The following COBLL1 variants were observed in gnomAD, a reference collection of about 807,000 sequenced individuals.
COBLL1 encodes cordon-bleu WH2 repeat protein like 1, also known as cordon-bleu protein-like 1.
Under a neutral mutation model 94.8 loss-of-function variants are expected in COBLL1, and 50 were observed. The ratio of observed to expected loss-of-function variants is 0.53; its 90% CI spans 0.42 to 0.67. The LOEUF (loss-of-function observed/expected upper bound fraction) is 0.67. Ranked by LOEUF, COBLL1 falls within the 30% of genes least tolerant of loss-of-function variation. COBLL1 has a pLI of 0.00. For synonymous variants in COBLL1, 448 were observed against 473.8 expected, an observed-to-expected ratio of 0.95 and a Z score of 0.71; for missense variants, 1,362 against 1,348.7, an observed-to-expected ratio of 1.01 and a Z score of -0.15.
In COBLL1 at chr2:164,704,846, C is replaced by A. The variant is rs554869831; in HGVS notation, c.1150+106G>T. On this transcript the variant is annotated intron_variant, in intron 8 of 13. Transcript: ENST00000652658. ...GACTAATCAAGATGTATTTAAAAAG[C>A]CTAAGTATTATTTAAAAAGCATAAC... is the stretch of plus-strand genomic sequence containing the variant. 5.0e-5 allele frequency: 59 copies of A among 1,185,078 alleles called. 2 individuals are homozygous for A. The South Asian group carries it at 9.5e-4, about 19-fold the overall frequency. The allele number at this position is 1,185,078 out of a possible 1,614,324, so 73.4% of individuals were successfully genotyped here. A position where few individuals can be genotyped will look rare whatever the true frequency, so the allele number is the denominator to read the frequency against.
At chr2:164,710,529 A>G (rs1379043677) in intron 7 of COBLL1, among the ~76,000 whole-genome samples, 1 of 151,886 alleles carries the variant, frequency 6.6e-6, no homozygotes, top group Non-Finnish European at 1.5e-5. Flanking sequence ...TTAAATTAAA[A>G]GGCTGGGAAG....
Position 164,695,087 on chromosome 2 carries a change from T to G in COBLL1, c.2305A>C (p.Thr769Pro), listed in dbSNP as rs201545061. 5.1e-5 allele frequency: 82 copies of G among 1,613,702 alleles called. No homozygotes were observed. The Admixed American group carries it at 5.3e-4, about 11-fold the overall frequency. ...GCAGTTTCTTTCACATTCTCATGAG[T>G]GTGCTTTTTCCCTAAAGCATGCATG... ...QDMHALGKKHTHENVKETAIQ... is the reference protein window; with the variant it reads ...QDMHALGKKHPHENVKETAIQ... Residue 769 changes from threonine (T) to proline (P), a missense_variant, in exon 12 of 14, where the codon ACT becomes CCT. By Grantham distance (38) the Thr-to-Pro change is conservative. Coordinates refer to ENST00000652658, the MANE Select transcript of COBLL1 (RefSeq NM_001365672.2).
chr2:164,728,766 T>C lies in COBLL1; in HGVS notation c.433-569A>G, dbSNP rs1318065490. Among the ~76,000 whole-genome samples the C allele has an allele frequency of 4.6e-5, 7 of 152,194 alleles. No homozygotes were observed. The East Asian group carries it at 9.6e-4, about 21-fold the overall frequency. ...TATTGTGATTAACTTTTGTTGTTAC[T>C]ATTACTACTTTGGCTAATTTTAATG... On this transcript the variant is annotated intron_variant, in intron 4 of 13. Transcript: ENST00000652658.
intron 2 of COBLL1, among the ~76,000 whole-genome samples, chr2:164,792,889 C>T (rs1683262379): frequency 6.6e-6 from 1 of 152,074 alleles, no homozygotes; most frequent in African/African-American, 2.4e-5. Flanking sequence ...AATTCCATTC[C>T]TAGGCCCATA....
chr2:164,700,040 ACT>A (rs1684167795), intron 10 of COBLL1, among the ~76,000 whole-genome samples: 1 of 152,006 alleles, frequency 6.6e-6, no homozygotes, highest in Non-Finnish European at 1.5e-5. Context: ...AGTGGACTAG[ACT>A]ATAGCTGTCT....
intron 2 of COBLL1, among the ~76,000 whole-genome samples, chr2:164,830,726 T>C (rs1278909044): frequency 6.6e-6 from 1 of 152,198 alleles, no homozygotes; most frequent in African/African-American, 2.4e-5. Context: ...TACTCTGGAA[T>C]ATTGTTCGTT....
intron 4 of COBLL1, among the ~76,000 whole-genome samples, chr2:164,729,651 G>A (rs1685885408): frequency 6.6e-6 from 1 of 152,036 alleles, no homozygotes; most frequent in Non-Finnish European, 1.5e-5. Flanking sequence ...TTTTAAAAGA[G>A]TAGCTTAAAA....
At chr2:164,699,309 G>A in intron 11 of COBLL1, 96 bp downstream of exon 11, 1 of 796,446 alleles carries the variant, frequency 1.3e-6, no homozygotes, top group Non-Finnish European at 2.3e-6. Flanking sequence ...GTGAGTTACA[G>A]GAGATTAAAT....
At chr2:164,690,757 A>G (rs1315405462) in intron 13 of COBLL1, among the ~76,000 whole-genome samples, 1 of 152,056 alleles carries the variant, frequency 6.6e-6, no homozygotes, top group African/African-American at 2.4e-5. Flanking sequence ...ATTCATTTTC[A>G]TGTTCTCAGT....
intron 7 of COBLL1, among the ~76,000 whole-genome samples, chr2:164,720,578 T>C (rs1685394331): frequency 6.6e-6 from 1 of 152,144 alleles, no homozygotes; most frequent in East Asian, 1.9e-4. Context: ...TCTTCTATGA[T>C]ACAACAACCC....
At chr2:164,805,337 C>CATAGATAAA (rs1684066406) in intron 2 of COBLL1, among the ~76,000 whole-genome samples, 1 of 17,050 alleles carries the variant, frequency 5.9e-5, no homozygotes, top group African/African-American at 2.3e-4. Context: ...CTCTCTCTCT[C>CATAGATAAA]TATATATATA....
chr2:164,742,493 C>T lies in COBLL1; in HGVS notation c.230+1194G>A, dbSNP rs566054505. On this transcript the variant is annotated intron_variant, in intron 3 of 13. Transcript: ENST00000652658. ...GATAATGGCCATTGTCTCTAACTTT[C>T]AAGATGTCTTTCTCACACATACGAG... Among the ~76,000 whole-genome samples, 5 of 152,144 alleles carry T rather than the reference C, an allele frequency of 3.3e-5. No individual in the cohort carries two copies. In the South Asian group the frequency reaches 8.3e-4, roughly 25 times the overall value.
intron 8 of COBLL1, 69 bp downstream of exon 8, chr2:164,704,883 T>C: frequency 7.1e-7 from 1 of 1,407,826 alleles, no homozygotes; most frequent in Non-Finnish European, 9.5e-7. Context: ...TACATACCCA[T>C]ATCTTTCCTA....
chr2:164,693,898 C>T (rs968048797), intron 12 of COBLL1, among the ~76,000 whole-genome samples: 7 of 151,960 alleles, frequency 4.6e-5, no homozygotes, highest in Admixed American at 4.6e-4. Flanking sequence ...TTTACTATTA[C>T]ATAGTAATGT....
intron 3 of COBLL1, among the ~76,000 whole-genome samples, chr2:164,736,573 G>A (rs1686323081): frequency 6.6e-6 from 1 of 152,040 alleles, no homozygotes; most frequent in Admixed American, 6.6e-5. Flanking sequence ...TATCTTAGGT[G>A]TTATACTCAG....
At chr2:164,839,420 T>C (rs1171380334) in intron 2 of COBLL1, among the ~76,000 whole-genome samples, 1 of 152,214 alleles carries the variant, frequency 6.6e-6, no homozygotes, top group Admixed American at 6.5e-5. Flanking sequence ...AGCAAGACCT[T>C]GTCTCTACAT....
intron 13 of COBLL1, chr2:164,687,427 T>G (rs1683358157): frequency 9.7e-7 from 1 of 1,027,954 alleles, no homozygotes; most frequent in Non-Finnish European, 1.5e-6. Context: ...CTTTGAGAAG[T>G]GGATCGTCTG....
intron 2 of COBLL1, among the ~76,000 whole-genome samples, chr2:164,817,551 T>C (rs1018992665): frequency 6.6e-6 from 1 of 152,082 alleles, no homozygotes; most frequent in Non-Finnish European, 1.5e-5. Context: ...TACTCCTCAA[T>C]CTCCAACATT....
chr2:164,825,370 T>C (rs1383563097), intron 2 of COBLL1, among the ~76,000 whole-genome samples: 2 of 152,200 alleles, frequency 1.3e-5, no homozygotes, highest in Admixed American at 1.3e-4. Flanking sequence ...CTTAAGAAAC[T>C]TTCCAAGTGC....
Sources: allele counts gnomAD v4.1 joint callset (sites outside exome capture counted in the v4.1 genomes callset), GRCh38; gene constraint gnomAD v4.1.1; transcripts MANE v1.5; gene names NCBI Gene and HGNC (gene_info 2026-07-23, HGNC 2026-07-21).